Variants in NRXN3 observed in about 807,000 individuals in gnomAD.
NRXN3 encodes the protein neurexin III.
A neutral mutation model predicts 137.6 loss-of-function variants in NRXN3; 32 were observed. That is an observed-to-expected ratio of 0.23 (90% confidence interval 0.18 to 0.31). The LOEUF is 0.31. NRXN3 is among the 10% of genes least tolerant of loss of function. The probability of loss-of-function intolerance (pLI) is 1.00; values close to 1 mark genes in which losing one functional copy is unlikely to be tolerated. For missense variants in NRXN3, 1,574 were observed against 2,062.5 expected (o/e 0.76, Z 4.59); for synonymous variants, 798 against 784.5 (o/e 1.02, Z -0.29).
chr14:79,106,740 A>C (rs1002095604), intron 15 of NRXN3, among the ~76,000 whole-genome samples: 3 of 152,162 alleles, frequency 2.0e-5, no homozygotes, highest in African/African-American at 7.2e-5. Context: ...TTCCCTATAC[A>C]GAACATTCTT....
At chr14:79,749,104 T>C (rs777531962) in intron 19 of NRXN3, among the ~76,000 whole-genome samples, 1 of 152,078 alleles carries the variant, frequency 6.6e-6, no homozygotes, top group African/African-American at 2.4e-5. Flanking sequence ...TGAAGTGTGC[T>C]TGAAAGTTCT....
intron 10 of NRXN3, among the ~76,000 whole-genome samples, chr14:78,914,405 G>GGT (rs1413601973): frequency 1.3e-5 from 2 of 152,154 alleles, no homozygotes; most frequent in Non-Finnish European, 2.9e-5. Flanking sequence ...TATAACAGGT[G>GGT]GTGATAAGTT....
intron 16 of NRXN3, among the ~76,000 whole-genome samples, chr14:79,507,855 G>A (rs1283731644): frequency 6.6e-6 from 1 of 152,128 alleles, no homozygotes; most frequent in Non-Finnish European, 1.5e-5. Context: ...AGTATATAGT[G>A]TGGAAAATGA....
At chr14:78,413,229 A>T (rs1220921126) in intron 4 of NRXN3, among the ~76,000 whole-genome samples, 4 of 152,210 alleles carry the variant, frequency 2.6e-5, no homozygotes, top group Non-Finnish European at 5.9e-5. Flanking sequence ...TCCACAGAGG[A>T]GCTGAGCATG....
At chr14:79,456,152 A>C (rs1276122802) in intron 15 of NRXN3, among the ~76,000 whole-genome samples, 2 of 152,188 alleles carry the variant, frequency 1.3e-5, no homozygotes, top group Admixed American at 6.5e-5. Flanking sequence ...ATCATTAAGG[A>C]TTTCTTTGTC....
chr14:79,348,717 C>A (rs1022013133), intron 15 of NRXN3, among the ~76,000 whole-genome samples: 2 of 152,054 alleles, frequency 1.3e-5, no homozygotes, highest in Non-Finnish European at 2.9e-5. Flanking sequence ...GCAGTCGCCA[C>A]AATATGGAAA....
intron 15 of NRXN3, among the ~76,000 whole-genome samples, chr14:79,441,376 T>C (rs2095945022): frequency 8.6e-6 from 1 of 116,330 alleles, no homozygotes; most frequent in African/African-American, 4.4e-5. Context: ...CTTTTTTTTT[T>C]TTTTTTTTTT....
chr14:79,829,588 T>C (rs2099316523), intron 20 of NRXN3, among the ~76,000 whole-genome samples: 1 of 152,190 alleles, frequency 6.6e-6, no homozygotes. Flanking sequence ...AAATGAATTG[T>C]TTAATTACCC....
chr14:78,454,697 A>G (rs547601014), intron 4 of NRXN3, among the ~76,000 whole-genome samples: 10 of 152,322 alleles, frequency 6.6e-5, no homozygotes, highest in African/African-American at 2.2e-4. Flanking sequence ...TGCATAGAAG[A>G]TGAGTGCTCA....
chr14:78,774,611 CCT>C (rs2098739221), intron 8 of NRXN3, among the ~76,000 whole-genome samples: 4 of 152,082 alleles, frequency 2.6e-5, no homozygotes, highest in African/African-American at 9.7e-5. Context: ...AGGTGAGGAA[CCT>C]AAGAGTCAAA....
At chr14:78,848,498 T>G (rs1386508019) in intron 10 of NRXN3, among the ~76,000 whole-genome samples, 2 of 152,074 alleles carry the variant, frequency 1.3e-5, no homozygotes, top group South Asian at 2.1e-4. Context: ...GCCTTCAGAT[T>G]AGAGAAGGAC....
chr14:79,346,851 C>T (rs965704792), intron 15 of NRXN3, among the ~76,000 whole-genome samples: 2 of 152,186 alleles, frequency 1.3e-5, no homozygotes, highest in Non-Finnish European at 2.9e-5. Flanking sequence ...TCTTCCCCAA[C>T]TTCAAGTTCA....
intron 10 of NRXN3, among the ~76,000 whole-genome samples, chr14:78,863,959 T>C (rs1244099372): frequency 2.6e-5 from 4 of 152,254 alleles, no homozygotes; most frequent in Middle Eastern, 6.8e-3. Context: ...TTAACCTTAG[T>C]AGATGAAAAA....
chr14:79,695,536 T>C (rs1009894777), intron 18 of NRXN3, among the ~76,000 whole-genome samples: 1 of 151,804 alleles, frequency 6.6e-6, no homozygotes, highest in Non-Finnish European at 1.5e-5. Context: ...AATTTCTAAT[T>C]CATTATGTTA....
At chr14:78,693,712 T>TGTGTGTGTG (rs2098196695) in intron 6 of NRXN3, among the ~76,000 whole-genome samples, 1 of 135,280 alleles carries the variant, frequency 7.4e-6, no homozygotes, top group African/African-American at 2.7e-5. Flanking sequence ...TGTGTGTGTG[T>TGTGTGTGTG]TCTCTTGCTT....
intron 8 of NRXN3, among the ~76,000 whole-genome samples, chr14:78,733,300 C>T (rs1288603080): frequency 6.6e-6 from 1 of 152,106 alleles, no homozygotes; most frequent in Non-Finnish European, 1.5e-5. Context: ...ATCCTGTATC[C>T]TCAGTCTTTG....
chr14:78,796,472 GT>G (rs2098822202), intron 8 of NRXN3, among the ~76,000 whole-genome samples: 1 of 152,184 alleles, frequency 6.6e-6, no homozygotes. Flanking sequence ...ATGGCTAAGG[GT>G]TTTCTTAAAC....
chr14:79,214,397 A>G (rs1220565476), intron 15 of NRXN3, among the ~76,000 whole-genome samples: 1 of 152,196 alleles, frequency 6.6e-6, no homozygotes, highest in Non-Finnish European at 1.5e-5. Context: ...ATCTGAAGAA[A>G]TATGCTGCAA....
chr14:79,450,829 G>C (rs926333972), intron 15 of NRXN3, among the ~76,000 whole-genome samples: 14 of 151,508 alleles, frequency 9.2e-5, no homozygotes, highest in Non-Finnish European at 1.5e-4. Context: ...TCACGCCACT[G>C]CACTCCAGCC....
Sources: allele counts gnomAD v4.1 joint callset (sites outside exome capture counted in the v4.1 genomes callset), GRCh38; gene constraint gnomAD v4.1.1; transcripts MANE v1.5; gene names NCBI Gene and HGNC (gene_info 2026-07-23, HGNC 2026-07-21).